The following RPL36 variants were observed in gnomAD, a reference collection of about 807,000 sequenced individuals.
The protein encoded by RPL36 is ribosomal protein L36, also known as large ribosomal subunit protein eL36.
For missense variants in RPL36, 131 were observed against 144.9 expected (o/e 0.90, Z 0.49); for synonymous variants, 74 against 56.0 (o/e 1.32, Z -1.44).
rs556190454 is a variant in RPL36, at chr19:5,690,685, G to A, written c.93+85G>A. ...TTGGGCAAAGGCTCTCGACCTGAAA[G>A]AACGCGCGTTCGGGCGCAGAACTAA... On this transcript the variant is annotated intron_variant, in intron 2 of 3. Transcript: ENST00000347512. The A allele has an allele frequency of 3.1e-5, 35 of 1,138,838 alleles. No homozygotes were observed. In the East Asian group the frequency reaches 8.2e-4, roughly 27 times the overall value. 70.5% of individuals were successfully genotyped at this position (1,138,838 alleles called of 1,614,324 possible).
rs533868214 is a variant in RPL36, at chr19:5,690,312, C to G, written c.-18C>G. On this transcript the variant is annotated 5_prime_UTR_variant, in exon 1 of 4. Coordinates refer to ENST00000347512, the MANE Select transcript of RPL36 (RefSeq NM_033643.3). ...GCGCCAGCCCTTCCGCCACGGCCGT[C>G]TCTGGAGAGCAGCAGGTAAGTGGTT... 8 of 633,960 alleles carry G rather than the reference C, an allele frequency of 1.3e-5. No homozygotes were observed. Among genetic ancestry groups the G allele is most frequent in the Admixed American group, 2.3e-5 (1 of 42,814 alleles). 39.3% of individuals were successfully genotyped at this position (633,960 alleles called of 1,614,324 possible). A position where few individuals can be genotyped will look rare whatever the true frequency, so the allele number is the denominator to read the frequency against.
In RPL36 at chr19:5,690,583, C is replaced by G; in HGVS notation, c.76C>G (p.His26Asp). 1 of 1,568,980 alleles carries G rather than the reference C, an allele frequency of 6.4e-7. No individual in the cohort carries two copies. The highest frequency in any genetic ancestry group is 8.6e-7 in the Non-Finnish European group (1 of 1,157,780). ...GACCAAGAACGTGAGCAAGCCCAGG[C>G]ACAGCCGACGCCGCGGGGTGAGTGC... ...KVTKNVSKPR[H>D]SRRRGRLTKH... Residue 26 changes from histidine to aspartate, a missense_variant, in exon 2 of 4, where the codon CAC becomes GAC. By Grantham distance (81) the His-to-Asp change is moderately conservative. Coordinates refer to ENST00000347512, the MANE Select transcript of RPL36 (RefSeq NM_033643.3).
rs568723208 is a variant in RPL36 at position 5,690,299 on chromosome 19, C to G, written c.-31C>G. 7.8e-4 allele frequency: 480 copies of G among 612,954 alleles called. 1 individual carries two copies. In the African/African-American group the frequency reaches 8.0e-3, roughly 10 times the overall value. 38.0% of individuals were successfully genotyped at this position (612,954 alleles called of 1,614,324 possible). A position where few individuals can be genotyped will look rare whatever the true frequency, so the allele number is the denominator to read the frequency against. On this transcript the variant is annotated 5_prime_UTR_variant, in exon 1 of 4. Transcript: ENST00000347512. ...GGAGTTCCGCGCGGCGCCAGCCCTT[C>G]CGCCACGGCCGTCTCTGGAGAGCAG...
intron 1 of RPL36, 89 bp downstream of exon 1, chr19:5,690,416 C>A: frequency 9.9e-7 from 1 of 1,011,210 alleles, no homozygotes; most frequent in Non-Finnish European, 1.5e-6. Flanking sequence ...TTGTGGCGAG[C>A]GAGGCTGAAG....
At position 5,691,714 on chromosome 19, in the gene RPL36, G is replaced by A. The variant is rs1457951894; in HGVS notation, c.*93G>A. 9.9e-6 allele frequency: 13 copies of A among 1,310,944 alleles called. 1 individual carries two copies. The highest frequency in any genetic ancestry group is 5.1e-5 in the South Asian group (4 of 79,092). The allele number at this position is 1,310,944 out of a possible 1,614,324, so 81.2% of individuals were successfully genotyped here. ...GTGGGTGGGTGTGGGTGTGTCGGGG[G>A]CCCGCAGTCCCCTGTCTGGTGCCCG... On this transcript the variant is annotated 3_prime_UTR_variant, in exon 4 of 4. Coordinates refer to ENST00000347512, the MANE Select transcript of RPL36 (RefSeq NM_033643.3).
Position 5,691,354 on chromosome 19 carries a change from G to A in RPL36, c.129G>A (p.Met43Ile), listed in dbSNP as rs2054816264. ...LTKHTKFVRD[M>I]IREVCGFAPY... ...AACACACCAAGTTCGTGCGGGACAT[G>A]ATTCGGGAGGTGTGTGGCTTTGCCC... Residue 43 changes from methionine to isoleucine, a missense_variant, in exon 3 of 4, where the codon ATG becomes ATA. Transcript: ENST00000347512. 1 of 1,613,308 alleles carries A rather than the reference G, an allele frequency of 6.2e-7. No individual in the cohort carries two copies. The highest frequency in any genetic ancestry group is 8.5e-7 in the Non-Finnish European group (1 of 1,180,032).
chr19:5,691,759 CG>C lies in RPL36; in HGVS notation c.*141del. On this transcript the variant is annotated 3_prime_UTR_variant, in exon 4 of 4. Coordinates refer to ENST00000347512, the MANE Select transcript of RPL36 (RefSeq NM_033643.3). ...TGCCCGCTCTGAGCCACACCCTCTCCGGGTGCTGCCTGGTCGTGAATCAAAA... is the reference window on the plus strand; with the variant it reads ...TGCCCGCTCTGAGCCACACCCTCTCCGGTGCTGCCTGGTCGTGAATCAAAA... The C allele has an allele frequency of 9.7e-7, 1 of 1,027,544 alleles. No homozygotes were observed. Among genetic ancestry groups the C allele is most frequent in the East Asian group, 2.6e-5 (1 of 38,440 alleles). The allele number at this position is 1,027,544 out of a possible 1,614,324, so 63.7% of individuals were successfully genotyped here.
At chr19:5,690,382 C>G (rs1190835647) in intron 1 of RPL36, 55 bp downstream of exon 1, 40 of 763,308 alleles carry the variant, frequency 5.2e-5, no homozygotes, top group South Asian at 5.2e-4. Context: ...CCCGGGTCCT[C>G]TGTGCAGGTT....
Position 5,691,514 on chromosome 19 carries a change from C to A in RPL36, c.229-18C>A, listed in dbSNP as rs747445237. 7 of 1,608,868 alleles carry A rather than the reference C, an allele frequency of 4.4e-6. No individual in the cohort carries two copies. The highest frequency in any genetic ancestry group is 5.1e-6 in the Non-Finnish European group (6 of 1,176,730). On this transcript the variant is annotated intron_variant, in intron 3 of 3. Transcript: ENST00000347512. Reference sequence around the variant, plus strand: ...ATGGGAGTCAGGGCCGGGCTGACGGCGGCCTCGTCCCTGGCAGGTGGGGAC... The same window carrying A: ...ATGGGAGTCAGGGCCGGGCTGACGGAGGCCTCGTCCCTGGCAGGTGGGGAC...
Position 5,691,697 on chromosome 19 carries a change from G to A in RPL36, c.*76G>A. On this transcript the variant is annotated 3_prime_UTR_variant, in exon 4 of 4. Coordinates refer to ENST00000347512, the MANE Select transcript of RPL36 (RefSeq NM_033643.3). ...TGGCTCTCCTGCTGTCCGTGGGTGG[G>A]TGTGGGTGTGTCGGGGGCCCGCAGT... The A allele has an allele frequency of 6.9e-7, 1 of 1,445,650 alleles. No homozygotes were observed. The highest frequency in any genetic ancestry group is 9.5e-7 in the Non-Finnish European group (1 of 1,054,112). The allele number at this position is 1,445,650 out of a possible 1,614,324, so 89.6% of individuals were successfully genotyped here. A position where few individuals can be genotyped will look rare whatever the true frequency, so the allele number is the denominator to read the frequency against.
chr19:5,691,168 C>CG, intron 2 of RPL36, 151 bp from the exon 3 acceptor site: 1 of 1,116,940 alleles, frequency 9.0e-7, no homozygotes, highest in South Asian at 1.4e-5. Flanking sequence ...GCTCCGGGCG[C>CG]GGCGAAAAGC....
In RPL36 at chr19:5,691,818, G is replaced by T; in HGVS notation, c.*197G>T. The stretch of plus-strand genomic sequence containing the variant: ...CCCGCCCACCCTTCCCGGGGCAGCA[G>T]GTGAGGAAGCCGCCGTACTGCAAAT... On this transcript the variant is annotated 3_prime_UTR_variant, in exon 4 of 4. Coordinates refer to ENST00000347512, the MANE Select transcript of RPL36 (RefSeq NM_033643.3). 1.2e-6 allele frequency: 1 copy of T among 810,190 alleles called. No homozygotes were observed. Among genetic ancestry groups the T allele is most frequent in the Non-Finnish European group, 1.9e-6 (1 of 514,908 alleles). 50.2% of individuals were successfully genotyped at this position (810,190 alleles called of 1,614,324 possible).
intron 2 of RPL36, chr19:5,691,099 A>G: frequency 3.1e-6 from 2 of 641,702 alleles, no homozygotes; most frequent in Non-Finnish European, 2.7e-6. Context: ...CAGGCAGCCC[A>G]GACTCCAGGT....
chr19:5,690,404 G>C (rs759746122), intron 1 of RPL36, 77 bp downstream of exon 1: 2 of 896,728 alleles, frequency 2.2e-6, no homozygotes, highest in South Asian at 2.8e-5. Flanking sequence ...GAGGATGGTT[G>C]GTTGTGGCGA....
chr19:5,691,331 C>T lies in RPL36; in HGVS notation c.106C>T (p.His36Tyr), dbSNP rs997572791. 42 of 1,612,762 alleles carry T rather than the reference C, an allele frequency of 2.6e-5. No homozygotes were observed. The highest frequency in any genetic ancestry group is 3.5e-5 in the Non-Finnish European group (41 of 1,180,046). ...HSRRRGRLTK[H>Y]TKFVRDMIRE... ...CTTTCCCCCCTAGCGTCTGACCAAA[C>T]ACACCAAGTTCGTGCGGGACATGAT... The change falls in exon 3 of 4, where the codon CAC becomes TAC. Residue 36 changes from histidine to tyrosine, a missense_variant. Coordinates refer to ENST00000347512, the MANE Select transcript of RPL36 (RefSeq NM_033643.3).
chr19:5,691,331 C>A lies in RPL36; in HGVS notation c.106C>A (p.His36Asn), dbSNP rs997572791. ...HSRRRGRLTK[H>N]TKFVRDMIRE... ...CTTTCCCCCCTAGCGTCTGACCAAA[C>A]ACACCAAGTTCGTGCGGGACATGAT... The change falls in exon 3 of 4, where the codon CAC becomes AAC. Residue 36 changes from histidine to asparagine, a missense_variant. Coordinates refer to ENST00000347512, the MANE Select transcript of RPL36 (RefSeq NM_033643.3). 1.2e-6 allele frequency: 2 copies of A among 1,612,762 alleles called. No individual in the cohort carries two copies. The highest frequency in any genetic ancestry group is 1.7e-6 in the Non-Finnish European group (2 of 1,180,046).
At position 5,691,777 on chromosome 19, in the gene RPL36, G is replaced by GA; in HGVS notation, c.*158dup. 1 of 964,756 alleles carries GA rather than the reference G, an allele frequency of 1.0e-6. No individual in the cohort carries two copies. Among genetic ancestry groups the GA allele is most frequent in the Non-Finnish European group, 1.6e-6 (1 of 631,952 alleles). The allele number at this position is 964,756 out of a possible 1,614,324, so 59.8% of individuals were successfully genotyped here. A position where few individuals can be genotyped will look rare whatever the true frequency, so the allele number is the denominator to read the frequency against. The stretch of plus-strand genomic sequence containing the variant: ...CCCTCTCCGGGTGCTGCCTGGTCGT[G>GA]AATCAAAAGCCGTGGCCCGCCCACC... On this transcript the variant is annotated 3_prime_UTR_variant, in exon 4 of 4. Transcript: ENST00000347512.
chr19:5,691,861 A>G lies in RPL36; in HGVS notation c.*240A>G. 1 of 822,844 alleles carries G rather than the reference A, an allele frequency of 1.2e-6. No individual in the cohort carries two copies. The highest frequency in any genetic ancestry group is 2.7e-5 in the East Asian group (1 of 37,546). 51.0% of individuals were successfully genotyped at this position (822,844 alleles called of 1,614,324 possible). ...CTGCAAATGACTTTAATCATTAAAT[A>G]GCTTCTATGCCACACTCTGATTAAG... On this transcript the variant is annotated 3_prime_UTR_variant, in exon 4 of 4. Coordinates refer to ENST00000347512, the MANE Select transcript of RPL36 (RefSeq NM_033643.3).
intron 2 of RPL36, chr19:5,690,919 G>C (rs1215417104): frequency 1.8e-6 from 1 of 544,692 alleles, no homozygotes; most frequent in South Asian, 2.1e-5. Context: ...CGGTGTGTGA[G>C]GTTGAGGGAT....
Sources: gnomAD v4.1 joint callset for allele counts on GRCh38, gnomAD v4.1.1 for gene constraint, MANE v1.5 for transcripts, NCBI Gene and HGNC (gene_info 2026-07-23, HGNC 2026-07-21) for gene names.